FNDC3B: variants seen among roughly 807,000 people sequenced by gnomAD.
FNDC3B encodes fibronectin type III domain-containing protein 3B.
A neutral mutation model predicts 151.5 loss-of-function variants in FNDC3B; 12 were observed. The ratio of observed to expected loss-of-function variants is 0.08; its 90% CI spans 0.05 to 0.13. The LOEUF is 0.13. FNDC3B is among the 10% of genes least tolerant of loss of function. The pLI, the probability that FNDC3B is intolerant of heterozygous loss-of-function variation, is 1.00. For synonymous variants in FNDC3B, 528 were observed against 549.0 expected (o/e 0.96, Z 0.54); for missense variants, 1,214 against 1,505.3 (o/e 0.81, Z 3.20).
intron 3 of FNDC3B, among the ~76,000 whole-genome samples, chr3:172,177,213 G>C: frequency 2.0e-5 from 1 of 48,802 alleles, no homozygotes; most frequent in African/African-American, 2.5e-4. Flanking sequence ...CTGAAGTTTG[G>C]CTGACCAAAA....
chr3:172,096,294 C>A (rs1435812165), intron 1 of FNDC3B, among the ~76,000 whole-genome samples: 1 of 152,196 alleles, frequency 6.6e-6, no homozygotes. Context: ...CAGAAACTTG[C>A]ATACCTATAA....
At chr3:172,069,809 G>A (rs925300299) in intron 1 of FNDC3B, among the ~76,000 whole-genome samples, 11 of 152,176 alleles carry the variant, frequency 7.2e-5, no homozygotes, top group African/African-American at 2.7e-4. Context: ...AGCCATTTTA[G>A]GGGGGCTACT....
chr3:172,102,208 T>G (rs934372028), intron 1 of FNDC3B, among the ~76,000 whole-genome samples: 5 of 152,182 alleles, frequency 3.3e-5, no homozygotes, highest in African/African-American at 7.2e-5. Context: ...AATTATTTCT[T>G]TAGCCTTAGT....
chr3:172,337,298 T>A (rs1560086443), intron 15 of FNDC3B, 32 bp from the exon 16 acceptor site: 2 of 1,438,818 alleles, frequency 1.4e-6, no homozygotes, highest in Non-Finnish European at 2.0e-6. Context: ...AATATCCTTT[T>A]ATTGCTAATA....
At chr3:172,337,469 C>A in intron 16 of FNDC3B, 68 bp downstream of exon 16, 1 of 995,196 alleles carries the variant, frequency 1.0e-6, no homozygotes, top group African/African-American at 1.6e-5. Context: ...TAGTAAATGT[C>A]TTTATAGTAA....
intron 3 of FNDC3B, among the ~76,000 whole-genome samples, chr3:172,147,312 A>AC (rs1395781886): frequency 1.0e-4 from 15 of 146,518 alleles, no homozygotes; most frequent in African/African-American, 2.3e-4. Flanking sequence ...TCTCCAAACA[A>AC]AAAAAAAAAA....
intron 1 of FNDC3B, among the ~76,000 whole-genome samples, chr3:172,089,930 C>T (rs1259924513): frequency 2.6e-5 from 4 of 152,192 alleles, no homozygotes; most frequent in East Asian, 1.9e-4. Flanking sequence ...AATATGATTT[C>T]GACATATATA....
chr3:172,041,445 C>G (rs1189432924), intron 1 of FNDC3B, among the ~76,000 whole-genome samples: 1 of 130,018 alleles, frequency 7.7e-6, no homozygotes, highest in Admixed American at 8.4e-5. Context: ...TTCCTTCCTT[C>G]CTTCCTTCTC....
intron 2 of FNDC3B, 91 bp downstream of exon 2, chr3:172,112,681 T>A: frequency 1.1e-6 from 1 of 899,648 alleles, no homozygotes; most frequent in Non-Finnish European, 1.9e-6. Context: ...CAAAGGTTTG[T>A]GATTTCAAAC....
intron 13 of FNDC3B, 40 bp downstream of exon 13, chr3:172,330,755 G>T: frequency 6.6e-6 from 10 of 1,516,906 alleles, no homozygotes; most frequent in Non-Finnish European, 9.1e-6. Context: ...TGTTTTGTAC[G>T]AGTCAGTATT....
At chr3:172,178,408 A>G (rs1723718498) in intron 3 of FNDC3B, among the ~76,000 whole-genome samples, 1 of 152,184 alleles carries the variant, frequency 6.6e-6, no homozygotes, top group Non-Finnish European at 1.5e-5. Context: ...GAGCTCATAT[A>G]TTGACTTTGT....
intron 1 of FNDC3B, among the ~76,000 whole-genome samples, chr3:172,045,261 A>G (rs1416360522): frequency 6.6e-6 from 1 of 152,064 alleles, no homozygotes; most frequent in Non-Finnish European, 1.5e-5. Flanking sequence ...GTTGTATTTT[A>G]TTTTACCCCA....
chr3:172,271,486 T>TTG (rs1729198674), intron 6 of FNDC3B, among the ~76,000 whole-genome samples: 3 of 152,132 alleles, frequency 2.0e-5, no homozygotes, highest in African/African-American at 7.2e-5. Context: ...CAGCACATTT[T>TTG]TTGTTGTTGT....
At chr3:172,310,716 C>T in intron 10 of FNDC3B, 112 bp from the exon 11 acceptor site, 2 of 816,746 alleles carry the variant, frequency 2.4e-6, no homozygotes, top group Middle Eastern at 2.3e-4. Flanking sequence ...GCTTTATCCC[C>T]CTGAGGGGAG....
chr3:172,302,942 G>GAGAC (rs1731004180), intron 9 of FNDC3B: 1 of 151,922 alleles, frequency 6.6e-6, no homozygotes, highest in Admixed American at 6.6e-5. Flanking sequence ...GACAGAGACA[G>GAGAC]AGAGACAAGA....
chr3:172,307,446 C>A lies in FNDC3B; in HGVS notation c.1145C>A (p.Pro382His). Residue 382 changes from proline (P) to histidine (H), a missense_variant, in exon 10 of 26, where the codon CCT becomes CAT. Pro to His is a moderately conservative substitution (Grantham distance 77). Transcript: ENST00000415807. ...FTTHSCAPEC[P>H]FPPKLAHRSK... ...ACCCACAGCTGTGCACCCGAGTGTC[C>A]TTTCCCCCCTAAGCTGGCACATAGG... is the stretch of plus-strand genomic sequence containing the variant. 1 of 1,614,132 alleles carries A rather than the reference C, an allele frequency of 6.2e-7. No individual in the cohort carries two copies. The highest frequency in any genetic ancestry group is 8.5e-7 in the Non-Finnish European group (1 of 1,179,992).
At chr3:172,224,729 C>T (rs77692989) in intron 3 of FNDC3B, among the ~76,000 whole-genome samples, 1,849 of 123,814 alleles carry the variant, frequency 0.015, 24 homozygotes, top group Middle Eastern at 0.021. Context: ...TGTTGTATTT[C>T]TCTTGGTTTT....
chr3:172,187,027 T>G (rs774636285), intron 3 of FNDC3B: 2 of 358,122 alleles, frequency 5.6e-6, no homozygotes, highest in Non-Finnish European at 1.0e-5. Context: ...TGCTTATTAG[T>G]CCACCTGAAA....
At chr3:172,327,904 T>C (rs1047946767) in intron 11 of FNDC3B, among the ~76,000 whole-genome samples, 1 of 152,250 alleles carries the variant, frequency 6.6e-6, no homozygotes, top group African/African-American at 2.4e-5. Context: ...TCAGACACAT[T>C]GCTCAAGGCC....
Sources: allele counts gnomAD v4.1 joint callset (sites outside exome capture counted in the v4.1 genomes callset), GRCh38; gene constraint gnomAD v4.1.1; transcripts MANE v1.5; gene names NCBI Gene and HGNC (gene_info 2026-07-23, HGNC 2026-07-21).